Variants in PDE11A observed in about 807,000 individuals in gnomAD.
The protein encoded by PDE11A is dual 3',5'-cyclic-AMP and -GMP phosphodiesterase 11A.
In PDE11A, 100 loss-of-function variants were observed where a neutral mutation model predicts 100.5. The ratio of observed to expected loss-of-function variants is 1.00; its 90% CI spans 0.85 to 1.18. The LOEUF (loss-of-function observed/expected upper bound fraction) is 1.18. Among genes scored for constraint, PDE11A ranks in the 50% most tolerant of loss-of-function variants. The probability of loss-of-function intolerance (pLI) is 0.00; values close to 1 mark genes in which losing one functional copy is unlikely to be tolerated. For missense variants in PDE11A, 1,141 were observed against 1,152.6 expected (o/e 0.99, Z 0.15); for synonymous variants, 381 against 420.8 (o/e 0.91, Z 1.16).
chr2:177,915,734 C>A (rs562239727), intron 2 of PDE11A, among the ~76,000 whole-genome samples: 4 of 152,210 alleles, frequency 2.6e-5, no homozygotes, highest in Non-Finnish European at 5.9e-5. Context: ...TGCTGGATTG[C>A]ATGGTAAGCG....
chr2:177,739,521 G>A (rs2081841735), intron 10 of PDE11A, among the ~76,000 whole-genome samples: 1 of 152,144 alleles, frequency 6.6e-6, no homozygotes, highest in Admixed American at 6.5e-5. Flanking sequence ...GACACATGAG[G>A]CTAGTTACCC....
intron 5 of PDE11A, among the ~76,000 whole-genome samples, chr2:177,861,567 G>A (rs1046780770): frequency 6.6e-6 from 1 of 151,830 alleles, no homozygotes; most frequent in African/African-American, 2.4e-5. Flanking sequence ...AGATTGACAA[G>A]TTGATTCTAA....
chr2:177,955,330 G>T (rs908917541), intron 2 of PDE11A, among the ~76,000 whole-genome samples: 5 of 152,170 alleles, frequency 3.3e-5, no homozygotes, highest in African/African-American at 4.8e-5. Flanking sequence ...ATTTCAGTGG[G>T]TTCACAAATC....
chr2:178,049,370 A>G (rs1271790527), intron 1 of PDE11A, among the ~76,000 whole-genome samples: 3 of 152,050 alleles, frequency 2.0e-5, no homozygotes, highest in Admixed American at 2.0e-4. Flanking sequence ...CTTGGGGGGG[A>G]AGTTCCAAGG....
At chr2:177,828,604 T>C (rs770198822) in intron 6 of PDE11A, among the ~76,000 whole-genome samples, 47 of 152,148 alleles carry the variant, frequency 3.1e-4, no homozygotes, top group Non-Finnish European at 4.9e-4. Context: ...TGGACAATGG[T>C]CTTAAAGAGG....
intron 1 of PDE11A, among the ~76,000 whole-genome samples, chr2:178,053,973 C>T (rs2086864724): frequency 6.6e-6 from 1 of 152,134 alleles, no homozygotes; most frequent in Non-Finnish European, 1.5e-5. Flanking sequence ...CCCCATCAAG[C>T]TACCAATGAC....
intron 19 of PDE11A, among the ~76,000 whole-genome samples, chr2:177,631,709 C>T (rs114227688): frequency 0.024 from 3,513 of 147,672 alleles, 128 homozygotes; most frequent in African/African-American, 0.083. Context: ...TAAAAATGGA[C>T]AGAATCAATG....
intron 2 of PDE11A, among the ~76,000 whole-genome samples, chr2:177,968,780 G>A (rs796769664): frequency 9.8e-5 from 15 of 152,320 alleles, no homozygotes; most frequent in African/African-American, 3.4e-4. Flanking sequence ...AGATGCTGGC[G>A]AGGATATGGA....
chr2:177,798,841 T>C (rs1468459400), intron 9 of PDE11A, among the ~76,000 whole-genome samples: 1 of 152,172 alleles, frequency 6.6e-6, no homozygotes, highest in Non-Finnish European at 1.5e-5. Flanking sequence ...AGGTGGAGCA[T>C]AACTCCCCAC....
At chr2:177,719,705 A>C (rs1238721274) in intron 12 of PDE11A, among the ~76,000 whole-genome samples, 3 of 152,130 alleles carry the variant, frequency 2.0e-5, no homozygotes, top group African/African-American at 7.2e-5. Context: ...TTTACAGAAG[A>C]AGCATTTAAT....
At chr2:177,751,480 G>A (rs1296063574) in intron 10 of PDE11A, among the ~76,000 whole-genome samples, 1 of 152,196 alleles carries the variant, frequency 6.6e-6, no homozygotes, top group African/African-American at 2.4e-5. Context: ...CTCCCATTGA[G>A]CTGGCAGGTC....
At chr2:177,838,381 G>T (rs1216816983) in intron 6 of PDE11A, among the ~76,000 whole-genome samples, 6 of 95,566 alleles carry the variant, frequency 6.3e-5, no homozygotes, top group Admixed American at 5.4e-4. Context: ...TGTTTATAAA[G>T]AAAAGAGCTC....
chr2:177,631,607 A>G (rs866318670), intron 19 of PDE11A, among the ~76,000 whole-genome samples: 10 of 119,140 alleles, frequency 8.4e-5, no homozygotes, highest in East Asian at 2.4e-4. Context: ...ATATGTGTGT[A>G]TATATATACA....
chr2:178,037,329 T>C (rs2105845896), intron 1 of PDE11A, among the ~76,000 whole-genome samples: 1 of 152,322 alleles, frequency 6.6e-6, no homozygotes, highest in Admixed American at 6.5e-5. Context: ...AGATACCATC[T>C]CATGCCAGTT....
chr2:177,775,804 C>T (rs905427589), intron 9 of PDE11A, among the ~76,000 whole-genome samples: 1 of 152,182 alleles, frequency 6.6e-6, no homozygotes, highest in African/African-American at 2.4e-5. Flanking sequence ...CCTCTGTTAA[C>T]TCCATTATTC....
chr2:177,737,621 G>A (rs1223844504), intron 10 of PDE11A, among the ~76,000 whole-genome samples: 1 of 151,880 alleles, frequency 6.6e-6, no homozygotes, highest in Non-Finnish European at 1.5e-5. Flanking sequence ...GAGGGGCAGG[G>A]TTCTGGATAC....
At chr2:177,999,496 GAGAA>G (rs1358520655) in intron 2 of PDE11A, among the ~76,000 whole-genome samples, 1 of 152,160 alleles carries the variant, frequency 6.6e-6, no homozygotes, top group Non-Finnish European at 1.5e-5. Flanking sequence ...CTTTTTTTAA[GAGAA>G]AGAAGACAGA....
intron 2 of PDE11A, among the ~76,000 whole-genome samples, chr2:177,927,609 C>T (rs1410793045): frequency 6.6e-6 from 1 of 152,142 alleles, no homozygotes; most frequent in Non-Finnish European, 1.5e-5. Context: ...TAAACCTTTG[C>T]TGACAATATA....
At chr2:178,066,350 C>A (rs954159207) in intron 1 of PDE11A, among the ~76,000 whole-genome samples, 1 of 152,122 alleles carries the variant, frequency 6.6e-6, no homozygotes, top group African/African-American at 2.4e-5. Context: ...ATGAAAGACC[C>A]CTGCTTGAGG....
Sources: gnomAD v4.1 joint callset for allele counts (sites outside exome capture counted in the v4.1 genomes callset) on GRCh38, gnomAD v4.1.1 for gene constraint, MANE v1.5 for transcripts, NCBI Gene and HGNC (gene_info 2026-07-23, HGNC 2026-07-21) for gene names.